FSTL4: variants seen among roughly 807,000 people sequenced by gnomAD.
FSTL4 encodes the protein follistatin-related protein 4.
FSTL4 carries 28 observed loss-of-function variants against 78.2 expected under a neutral mutation model. The observed-to-expected ratio is 0.36, with a 90% confidence interval of 0.27 to 0.49. FSTL4 has a LOEUF of 0.49. Among genes scored for constraint, FSTL4 ranks in the 20% least tolerant of loss-of-function variants. The pLI is 0.98. For missense variants in FSTL4, 922 were observed against 1,084.9 expected (o/e 0.85, Z 2.11); for synonymous variants, 422 against 440.5 (o/e 0.96, Z 0.53).
chr5:133,464,814 G>A lies in FSTL4; in HGVS notation c.161-63828C>T, dbSNP rs559547340. Among the ~76,000 whole-genome samples the A allele has an allele frequency of 4.6e-5, 7 of 152,328 alleles. No individual in the cohort carries two copies. In the East Asian group the frequency reaches 1.4e-3, roughly 29 times the overall value. ...AAGAGGCTGTTTTCATACTTTTTAT[G>A]TATGTATTTCATACAAAATATAGCG... is the stretch of plus-strand genomic sequence containing the variant. On this transcript the variant is annotated intron_variant, in intron 3 of 15. Transcript: ENST00000265342.
intron 3 of FSTL4, among the ~76,000 whole-genome samples, chr5:133,526,619 C>T (rs1339080439): frequency 6.6e-6 from 1 of 152,190 alleles, no homozygotes; most frequent in East Asian, 1.9e-4. Context: ...CCAACCCCAA[C>T]TGAGCTGGCC....
chr5:133,554,356 C>T (rs1290456718), intron 3 of FSTL4, among the ~76,000 whole-genome samples: 1 of 152,222 alleles, frequency 6.6e-6, no homozygotes, highest in Non-Finnish European at 1.5e-5. Context: ...GCATGTTTCT[C>T]GCTATATTTC....
rs562020404 is a variant in FSTL4, at chr5:133,583,351, A to G, written c.127-16132T>C. 597 of 271,374 alleles carry G rather than the reference A, an allele frequency of 2.2e-3. 84 individuals carry two copies. The highest frequency in any genetic ancestry group is 0.014 in the South Asian group (582 of 42,720). 16.8% of individuals were successfully genotyped at this position (271,374 alleles called of 1,614,324 possible). On this transcript the variant is annotated intron_variant, in intron 2 of 15. Coordinates refer to ENST00000265342, the MANE Select transcript of FSTL4 (RefSeq NM_015082.2). ...CTACAGCTCCCAGCGTGAGCGACGCAGAAGACGGGTGATTTCTGCATTTCC... is the reference window on the plus strand; with the variant it reads ...CTACAGCTCCCAGCGTGAGCGACGCGGAAGACGGGTGATTTCTGCATTTCC...
At chr5:133,769,713 C>CT in the FSTL4 span, among the ~76,000 whole-genome samples, 21 of 152,148 alleles carry the variant, frequency 1.4e-4, no homozygotes, top group Admixed American at 3.9e-4. Flanking sequence ...TTTAAAAAAT[C>CT]TTTATGTATT....
At chr5:133,652,815 T>C in the FSTL4 span, among the ~76,000 whole-genome samples, 1 of 152,292 alleles carries the variant, frequency 6.6e-6, no homozygotes, top group East Asian at 1.9e-4. Context: ...GTAATCAAGC[T>C]ATAGATGTAT....
intron 3 of FSTL4, among the ~76,000 whole-genome samples, chr5:133,508,387 T>C (rs1561450328): frequency 6.6e-6 from 1 of 152,212 alleles, no homozygotes; most frequent in Non-Finnish European, 1.5e-5. Context: ...TGAGCTACCT[T>C]TGGGAGGGTC....
At chr5:133,404,139 C>T (rs1372642931) in intron 3 of FSTL4, among the ~76,000 whole-genome samples, 2 of 152,240 alleles carry the variant, frequency 1.3e-5, no homozygotes, top group Non-Finnish European at 2.9e-5. Flanking sequence ...GAAGGCCCTG[C>T]ATATGCCCTT....
chr5:133,370,980 C>G (rs2126943134), intron 4 of FSTL4, among the ~76,000 whole-genome samples: 1 of 152,332 alleles, frequency 6.6e-6, no homozygotes, highest in South Asian at 2.1e-4. Context: ...GTTCCCAGCA[C>G]AGACGTGAGC....
the FSTL4 span, among the ~76,000 whole-genome samples, chr5:133,681,315 A>T: frequency 1.3e-5 from 2 of 152,262 alleles, no homozygotes; most frequent in Non-Finnish European, 2.9e-5. Context: ...GAGGCAGGGC[A>T]GACCTCTGCC....
the FSTL4 span, among the ~76,000 whole-genome samples, chr5:133,644,618 C>T: frequency 1.3e-5 from 2 of 152,152 alleles, no homozygotes; most frequent in African/African-American, 4.8e-5. Context: ...GAAAGACCAA[C>T]TGGAAGTTTC....
intron 3 of FSTL4, among the ~76,000 whole-genome samples, chr5:133,510,844 G>A (rs149602452): frequency 2.1e-3 from 317 of 152,160 alleles, no homozygotes; most frequent in Middle Eastern, 0.01. Context: ...TGTCCCACTC[G>A]ATAAGGTTTC....
chr5:133,777,886 T>C, the FSTL4 span, among the ~76,000 whole-genome samples: 1 of 152,236 alleles, frequency 6.6e-6, no homozygotes, highest in South Asian at 2.1e-4. Context: ...TTTGCACATA[T>C]GTAGGACTAT....
At chr5:133,205,476 A>C (rs1220749402) in intron 14 of FSTL4, among the ~76,000 whole-genome samples, 1 of 152,110 alleles carries the variant, frequency 6.6e-6, no homozygotes, top group Non-Finnish European at 1.5e-5. Flanking sequence ...TCCTTGCATA[A>C]TATTCCTGGA....
intron 4 of FSTL4, among the ~76,000 whole-genome samples, chr5:133,397,336 AC>A (rs1315695751): frequency 6.6e-6 from 1 of 152,234 alleles, no homozygotes; most frequent in South Asian, 2.1e-4. Flanking sequence ...AAGAAGAGAT[AC>A]ATCTTTCCCA....
At chr5:133,692,308 A>G in the FSTL4 span, among the ~76,000 whole-genome samples, 1 of 152,196 alleles carries the variant, frequency 6.6e-6, no homozygotes. Context: ...CAGAGGCCAC[A>G]AGGATCTTGG....
At chr5:133,841,673 G>A in the FSTL4 span, among the ~76,000 whole-genome samples, 1 of 152,166 alleles carries the variant, frequency 6.6e-6, no homozygotes, top group East Asian at 1.9e-4. Context: ...CAGAGCCAAC[G>A]CCACCCAACA....
the FSTL4 span, among the ~76,000 whole-genome samples, chr5:133,776,078 G>A: frequency 3.3e-5 from 5 of 152,208 alleles, no homozygotes; most frequent in South Asian, 8.3e-4. Flanking sequence ...TGACAAGAGA[G>A]TAGAGCAGGG....
the FSTL4 span, among the ~76,000 whole-genome samples, chr5:133,721,972 T>C: frequency 2.6e-5 from 4 of 152,282 alleles, no homozygotes; most frequent in South Asian, 6.2e-4. Context: ...TGTTTTTCAT[T>C]CTTTTTTCTT....
chr5:133,528,867 AC>A (rs1167693583), intron 3 of FSTL4, among the ~76,000 whole-genome samples: 2 of 152,220 alleles, frequency 1.3e-5, no homozygotes, highest in Non-Finnish European at 2.9e-5. Flanking sequence ...TCTTGTTTGG[AC>A]ACAGAGCTGT....
Sources: allele counts gnomAD v4.1 joint callset (sites outside exome capture counted in the v4.1 genomes callset), GRCh38; gene constraint gnomAD v4.1.1; transcripts MANE v1.5; gene names NCBI Gene and HGNC (gene_info 2026-07-23, HGNC 2026-07-21).